JMJD1C: variants seen among roughly 807,000 people sequenced by gnomAD.
JMJD1C encodes jumonji domain-containing protein 1C.
JMJD1C carries 31 observed loss-of-function variants against 245.3 expected under a neutral mutation model. The observed-to-expected ratio is 0.13, with a 90% CI of 0.09 to 0.17. The LOEUF is 0.17. Ranked by LOEUF, JMJD1C falls within the 10% of genes least tolerant of loss-of-function variation. The pLI is 1.00. For missense variants in JMJD1C, 2,691 were observed against 3,000.2 expected (o/e 0.90, Z 2.41); for synonymous variants, 1,057 against 1,017.4 (o/e 1.04, Z -0.74).
intron 1 of JMJD1C, among the ~76,000 whole-genome samples, chr10:63,444,265 CTATTTATT>C (rs541550958): frequency 6.6e-6 from 1 of 151,904 alleles, no homozygotes; most frequent in Non-Finnish European, 1.5e-5. Flanking sequence ...TAGGACATTT[CTATTTATT>C]TATTTATTTA....
At chr10:63,226,824 G>A (rs7896880) in intron 3 of JMJD1C, among the ~76,000 whole-genome samples, 3,257 of 151,518 alleles carry the variant, frequency 0.021, 113 homozygotes, top group African/African-American at 0.073. Context: ...TTGGGAAGCC[G>A]AGGTGGGTGG....
At chr10:63,497,435 C>T (rs1954398415) in intron 1 of JMJD1C, among the ~76,000 whole-genome samples, 2 of 152,246 alleles carry the variant, frequency 1.3e-5, no homozygotes, top group East Asian at 3.9e-4. Context: ...TATGAAATGT[C>T]CAGAACAGGC....
intron 3 of JMJD1C, among the ~76,000 whole-genome samples, chr10:63,258,210 T>C (rs1854222529): frequency 6.6e-6 from 1 of 152,228 alleles, no homozygotes; most frequent in Non-Finnish European, 1.5e-5. Flanking sequence ...AGGAAACCAT[T>C]TATTCAGAGC....
chr10:63,239,520 C>A (rs1383365344), intron 3 of JMJD1C, among the ~76,000 whole-genome samples: 2 of 152,168 alleles, frequency 1.3e-5, no homozygotes, highest in Non-Finnish European at 2.9e-5. Flanking sequence ...TCTTGGCTCA[C>A]TGCAACCTCC....
At chr10:63,291,950 T>C (rs1858784972) in intron 2 of JMJD1C, among the ~76,000 whole-genome samples, 1 of 151,886 alleles carries the variant, frequency 6.6e-6, no homozygotes, top group Non-Finnish European at 1.5e-5. Flanking sequence ...CTGTGTGTGT[T>C]GTATGTGTGT....
upstream of JMJD1C, chr10:63,466,383 A>G (rs1953284512): frequency 6.5e-6 from 1 of 152,888 alleles, no homozygotes; most frequent in Non-Finnish European, 1.5e-5. Context: ...AGCCTGAATT[A>G]GCAGTCCCGC....
At chr10:63,467,773 A>T (rs1953359163), upstream of JMJD1C, among the ~76,000 whole-genome samples, 1 of 152,240 alleles carries the variant, frequency 6.6e-6, no homozygotes, top group African/African-American at 2.4e-5. Context: ...AAGAGTAGGG[A>T]GATCAACATC....
intron 2 of JMJD1C, among the ~76,000 whole-genome samples, chr10:63,362,494 T>TA (rs1945476110): frequency 6.6e-6 from 1 of 151,534 alleles, no homozygotes; most frequent in Non-Finnish European, 1.5e-5. Context: ...TTTATTTATT[T>TA]TTTAAGACAG....
intron 2 of JMJD1C, among the ~76,000 whole-genome samples, chr10:63,317,049 G>A (rs546479709): frequency 1.3e-5 from 2 of 151,714 alleles, no homozygotes; most frequent in Non-Finnish European, 2.9e-5. Flanking sequence ...TAGAAGAGAC[G>A]GGGTTTTGCC....
chr10:63,311,366 G>A (rs993808627), intron 2 of JMJD1C, among the ~76,000 whole-genome samples: 26 of 152,038 alleles, frequency 1.7e-4, no homozygotes, highest in Non-Finnish European at 3.1e-4. Flanking sequence ...GCAACAGAGT[G>A]AGACTCTGTC....
intron 1 of JMJD1C, chr10:63,427,349 T>C: frequency 3.8e-6 from 4 of 1,054,694 alleles, no homozygotes; most frequent in Non-Finnish European, 5.5e-6. Context: ...TGGGACCAAG[T>C]GTTCACCGCC....
chr10:63,468,953 A>C (rs940312771), upstream of JMJD1C, among the ~76,000 whole-genome samples: 1 of 152,206 alleles, frequency 6.6e-6, no homozygotes, highest in Non-Finnish European at 1.5e-5. Flanking sequence ...TCTCTAAAAA[A>C]CATTTTTAAA....
At chr10:63,336,671 G>A (rs1942766193) in intron 2 of JMJD1C, among the ~76,000 whole-genome samples, 1 of 152,074 alleles carries the variant, frequency 6.6e-6, no homozygotes, top group Non-Finnish European at 1.5e-5. Context: ...CTGTCTCAAT[G>A]ACATCATCAA....
intron 2 of JMJD1C, among the ~76,000 whole-genome samples, chr10:63,270,159 T>C (rs1856107329): frequency 1.3e-5 from 2 of 152,164 alleles, no homozygotes; most frequent in South Asian, 4.1e-4. Flanking sequence ...AATGCTCTAA[T>C]AGTAAGTTCT....
intron 1 of JMJD1C, among the ~76,000 whole-genome samples, chr10:63,491,933 T>C (rs968772122): frequency 3.9e-5 from 6 of 152,380 alleles, no homozygotes; most frequent in African/African-American, 1.4e-4. Flanking sequence ...GAATTCATTC[T>C]AAACTAAGAG....
At chr10:63,459,571 T>C (rs1474944880) in intron 1 of JMJD1C, among the ~76,000 whole-genome samples, 2 of 152,182 alleles carry the variant, frequency 1.3e-5, no homozygotes, top group Non-Finnish European at 2.9e-5. Context: ...AAATTAATTT[T>C]TACAAAGCTT....
intron 2 of JMJD1C, among the ~76,000 whole-genome samples, chr10:63,358,101 G>A (rs969383563): frequency 5.9e-5 from 9 of 152,102 alleles, no homozygotes; most frequent in East Asian, 1.9e-4. Context: ...AAAATCCCAA[G>A]TAATTCCAAG....
rs752205873 is a variant in JMJD1C at position 63,189,451 on chromosome 10, T to C, written c.6292-5A>G. Reference sequence around the variant, plus strand: ...AGTCCGTCCACTTTTGCTACTCTATTAAGGAAAAAACAAAACAAAAAAAAC... The same window carrying C: ...AGTCCGTCCACTTTTGCTACTCTATCAAGGAAAAAACAAAACAAAAAAAAC... On this transcript the variant is annotated splice_region_variant and splice_polypyrimidine_tract_variant and intron_variant, in intron 17 of 25. Transcript: ENST00000399262. 1.1e-5 allele frequency: 17 copies of C among 1,588,014 alleles called. No homozygotes were observed. The highest frequency in any genetic ancestry group is 1.4e-5 in the African/African-American group (1 of 73,226).
At chr10:63,454,130 T>C (rs185574108) in intron 1 of JMJD1C, among the ~76,000 whole-genome samples, 2 of 152,112 alleles carry the variant, frequency 1.3e-5, no homozygotes, top group Admixed American at 6.5e-5. Flanking sequence ...TCCAATTGAA[T>C]AGCCACATCT....
Sources: allele counts gnomAD v4.1 joint callset (sites outside exome capture counted in the v4.1 genomes callset), GRCh38; gene constraint gnomAD v4.1.1; transcripts MANE v1.5; gene names NCBI Gene and HGNC (gene_info 2026-07-23, HGNC 2026-07-21).